NBEAL1: variants seen among roughly 807,000 people sequenced by gnomAD.
The protein encoded by NBEAL1 is neurobeachin like 1, also known as neurobeachin-like protein 1.
Under a neutral mutation model 351.3 loss-of-function variants are expected in NBEAL1, and 273 were observed. That is an observed-to-expected ratio of 0.78 (90% CI 0.70 to 0.86). NBEAL1 has a LOEUF of 0.86. NBEAL1 is among the 40% of genes least tolerant of loss of function. The pLI is 0.00. For synonymous variants in NBEAL1, 1,050 were observed against 1,086.4 expected (o/e 0.97, Z 0.66); for missense variants, 2,961 against 3,201.3 (o/e 0.92, Z 1.81).
At chr2:203,203,401 C>A (rs2065458016) in intron 51 of NBEAL1, among the ~76,000 whole-genome samples, 1 of 152,008 alleles carries the variant, frequency 6.6e-6, no homozygotes, top group Non-Finnish European at 1.5e-5. Context: ...TCTTGAACTC[C>A]TGACCTTCAG....
At chr2:203,155,532 G>A (rs2063777344) in intron 35 of NBEAL1, among the ~76,000 whole-genome samples, 1 of 152,064 alleles carries the variant, frequency 6.6e-6, no homozygotes, top group Non-Finnish European at 1.5e-5. Flanking sequence ...GAGCTCCTGG[G>A]CTCAAGTGAT....
intron 38 of NBEAL1, among the ~76,000 whole-genome samples, chr2:203,168,286 A>G (rs1366894046): frequency 6.6e-6 from 1 of 152,240 alleles, no homozygotes; most frequent in Admixed American, 6.5e-5. Context: ...CAACCATGAG[A>G]TTAAATGTGG....
At chr2:203,019,605 C>T (rs1574853122) in intron 2 of NBEAL1, among the ~76,000 whole-genome samples, 2 of 152,156 alleles carry the variant, frequency 1.3e-5, no homozygotes, top group East Asian at 3.9e-4. Context: ...AGACCTCCTC[C>T]GTATTTGCCA....
intron 34 of NBEAL1, among the ~76,000 whole-genome samples, chr2:203,151,050 G>A (rs2106353068): frequency 6.6e-6 from 1 of 152,314 alleles, no homozygotes; most frequent in South Asian, 2.1e-4. Flanking sequence ...GTGCTAAATA[G>A]GCTGGGCATG....
In NBEAL1 at chr2:203,049,883, T is replaced by A. The variant is rs2061297208; in HGVS notation, c.213T>A (p.Leu71=). The A allele has an allele frequency of 1.3e-6, 2 of 1,557,102 alleles. No individual in the cohort carries two copies. The highest frequency in any genetic ancestry group is 2.4e-5 in the South Asian group (2 of 84,630). ...DNILQVLRIQ[L]LQCVQKMADG... The stretch of plus-strand genomic sequence containing the variant: ...TTCTGCAGGTTCTGAGGATCCAGCT[T>A]CTACAGTGTGTTCAGAAAATGGCAG... Residue 71 remains leucine, a synonymous_variant, in exon 4 of 56, where the codon CTT becomes CTA. Coordinates refer to ENST00000683969, the MANE Select transcript of NBEAL1 (RefSeq NM_001378026.1).
intron 38 of NBEAL1, among the ~76,000 whole-genome samples, chr2:203,168,214 G>A (rs2064198503): frequency 6.6e-6 from 1 of 152,214 alleles, no homozygotes; most frequent in Non-Finnish European, 1.5e-5. Context: ...GCTAAGTACT[G>A]GGTGTTTGTA....
intron 35 of NBEAL1, among the ~76,000 whole-genome samples, chr2:203,155,938 G>C (rs1252305039): frequency 6.6e-6 from 1 of 152,026 alleles, no homozygotes; most frequent in Admixed American, 6.6e-5. Flanking sequence ...TATATGTAAT[G>C]CTCCTTTCCC....
intron 6 of NBEAL1, among the ~76,000 whole-genome samples, chr2:203,059,672 G>C (rs2061463899): frequency 6.6e-6 from 1 of 152,190 alleles, no homozygotes; most frequent in South Asian, 2.1e-4. Context: ...TTGTCAGTTA[G>C]TGCCGTGACT....
chr2:203,113,225 G>T lies in NBEAL1; in HGVS notation c.2413G>T (p.Gly805Trp). 3 of 1,541,042 alleles carry T rather than the reference G, an allele frequency of 1.9e-6. No homozygotes were observed. Among genetic ancestry groups the T allele is most frequent in the Non-Finnish European group, 2.6e-6 (3 of 1,141,942 alleles). Residue 805 changes from glycine to tryptophan, a missense_variant, in exon 17 of 56, where the codon GGG becomes TGG. Physicochemically the swap from Gly to Trp is radical, Grantham distance 184 (BLOSUM62 -2). Transcript: ENST00000683969. ...AGCTGGAACCCAAGACAGTGAATGGGGGTGTCCCACATCTCTGGAGGGTCA... is the reference window on the plus strand; with the variant it reads ...AGCTGGAACCCAAGACAGTGAATGGTGGTGTCCCACATCTCTGGAGGGTCA... ...ISAGTQDSEW[G>W]CPTSLEGQLG...
chr2:203,074,804 A>G (rs1344321261), intron 7 of NBEAL1: 1 of 177,070 alleles, frequency 5.6e-6, no homozygotes, highest in Non-Finnish European at 1.2e-5. Flanking sequence ...CATTGTCAAT[A>G]GAGCTTCTTC....
chr2:203,196,593 A>C (rs1486445682), intron 47 of NBEAL1, among the ~76,000 whole-genome samples: 2 of 152,194 alleles, frequency 1.3e-5, no homozygotes, highest in Non-Finnish European at 2.9e-5. Context: ...ATAATCACCA[A>C]CTTTTTAAAA....
chr2:203,032,607 C>G (rs998459565), intron 2 of NBEAL1, among the ~76,000 whole-genome samples: 3 of 142,466 alleles, frequency 2.1e-5, no homozygotes, highest in Non-Finnish European at 4.6e-5. Context: ...TTGCAGTGAG[C>G]TGAGATCGTG....
Position 203,166,277 on chromosome 2 carries a change from G to A in NBEAL1, c.5843G>A (p.Gly1948Asp). 2 of 1,601,664 alleles carry A rather than the reference G, an allele frequency of 1.2e-6. No homozygotes were observed. The highest frequency in any genetic ancestry group is 2.7e-5 in the African/African-American group (2 of 74,260). Residue 1948 changes from glycine (G) to aspartate (D), a missense_variant, in exon 37 of 56, where the codon GGC becomes GAC. Gly to Asp is a moderately conservative substitution (Grantham distance 94). Transcript: ENST00000683969. ...ACTCAACACATTTACTTCTATGATG[G>A]CAGCATTGAAAAAGAAGATGGTGAG... The part of the protein sequence containing the change: ...ITTQHIYFYD[G>D]SIEKEDGVGF...
At chr2:203,101,285 G>A (rs2106214517) in intron 12 of NBEAL1, among the ~76,000 whole-genome samples, 1 of 152,228 alleles carries the variant, frequency 6.6e-6, no homozygotes, top group South Asian at 2.1e-4. Flanking sequence ...TTTTTGTCAT[G>A]TTTGTCAAAG....
intron 12 of NBEAL1, among the ~76,000 whole-genome samples, chr2:203,106,514 C>G (rs1045461178): frequency 6.6e-6 from 1 of 152,114 alleles, no homozygotes; most frequent in African/African-American, 2.4e-5. Flanking sequence ...TCCTAAATAA[C>G]TGGTTTATGA....
intron 2 of NBEAL1, chr2:203,040,037 A>G (rs2061113401): frequency 3.2e-6 from 2 of 620,066 alleles, no homozygotes; most frequent in African/African-American, 1.8e-5. Flanking sequence ...AATAGGCCTC[A>G]TTGAGAATAT....
chr2:203,200,003 C>G (rs1290802656), intron 49 of NBEAL1, among the ~76,000 whole-genome samples: 1 of 152,156 alleles, frequency 6.6e-6, no homozygotes, highest in Non-Finnish European at 1.5e-5. Context: ...ATTTTAATCT[C>G]CAAAAGTTAT....
At position 203,167,265 on chromosome 2, in the gene NBEAL1, C is replaced by T. The variant is rs778585459; in HGVS notation, c.5902C>T (p.Arg1968Ter). 5.0e-5 allele frequency: 80 copies of T among 1,611,102 alleles called. No individual in the cohort carries two copies. The highest frequency in any genetic ancestry group is 6.3e-5 in the Non-Finnish European group (74 of 1,178,776). ...FDFKWPHSQI[R>*]EIHLRRYNLR... is the part of the protein sequence containing the mutation. ...TTTCAAGTGGCCTCATTCTCAAATT[C>T]GAGAGATTCATCTCCGGCGTTACAA... The change falls in exon 38 of 56, where the codon CGA (arginine) becomes TGA (stop). Residue 1968 changes from arginine to a stop codon, truncating the protein, a stop_gained. Transcript: ENST00000683969. LOFTEE classifies it high-confidence loss of function.
Position 203,220,303 on chromosome 2 carries a change from G to T in NBEAL1, c.*2949G>T, listed in dbSNP as rs1452293040. 1.3e-5 allele frequency among the ~76,000 whole-genome samples: 2 copies of T among 152,090 alleles called. No homozygotes were observed. Among genetic ancestry groups the T allele is most frequent in the Non-Finnish European group, 2.9e-5 (2 of 68,020 alleles). On this transcript the variant is annotated 3_prime_UTR_variant, in exon 56 of 56. Coordinates refer to ENST00000683969, the MANE Select transcript of NBEAL1 (RefSeq NM_001378026.1). ...GTTCAAGACCAGCCTGGCCAACATG[G>T]TGAAACCCTGTCTCTACTAAAAATA...
Sources: allele counts gnomAD v4.1 joint callset (sites outside exome capture counted in the v4.1 genomes callset), GRCh38; gene constraint gnomAD v4.1.1; transcripts MANE v1.5; gene names NCBI Gene and HGNC (gene_info 2026-07-23, HGNC 2026-07-21).